FKBP3: variants seen among roughly 807,000 people sequenced by gnomAD.
FKBP3 encodes the protein FKBP prolyl isomerase 3.
A neutral mutation model predicts 30.6 loss-of-function variants in FKBP3; 21 were observed. The observed-to-expected ratio is 0.69, with a 90% CI of 0.49 to 0.99. The LOEUF (loss-of-function observed/expected upper bound fraction) is 0.99. FKBP3 is among the 50% of genes least tolerant of loss of function. The pLI is 0.00. For synonymous variants in FKBP3, 82 were observed against 91.3 expected (o/e 0.90, Z 0.58); for missense variants, 283 against 261.6 (o/e 1.08, Z -0.56).
intron 2 of FKBP3, among the ~76,000 whole-genome samples, 175 bp from the exon 3 acceptor site, chr14:45,130,076 A>ATTTATT (rs1180655676): frequency 6.6e-6 from 1 of 152,216 alleles, no homozygotes; most frequent in Non-Finnish European, 1.5e-5. Flanking sequence ...TTTGCTCATA[A>ATTTATT]TTTATTTTTA....
intron 1 of FKBP3, among the ~76,000 whole-genome samples, chr14:45,132,486 C>T (rs994745314): frequency 1.3e-5 from 2 of 152,100 alleles, no homozygotes; most frequent in Non-Finnish European, 2.9e-5. Context: ...CAACCTCCCC[C>T]TCTTGGGTTG....
chr14:45,121,369 T>C, intron 4 of FKBP3, 116 bp downstream of exon 4: 1 of 782,956 alleles, frequency 1.3e-6, no homozygotes, highest in East Asian at 2.6e-5. Flanking sequence ...GGAAAGTATG[T>C]CTGGATGAAA....
rs1884825406 is a variant in FKBP3, at chr14:45,116,038, T to G, written c.*160A>C. ...CAGGGATTCATAAGGGATTTATCTC[T>G]CAAAAGCTGGGACCAAGTAAACAAA... On this transcript the variant is annotated 3_prime_UTR_variant, in exon 7 of 7. Coordinates refer to ENST00000396062, the MANE Select transcript of FKBP3 (RefSeq NM_002013.4). The G allele has an allele frequency of 1.7e-6, 1 of 578,702 alleles. No individual in the cohort carries two copies. Among genetic ancestry groups the G allele is most frequent in the African/African-American group, 1.9e-5 (1 of 53,710 alleles). 35.8% of individuals were successfully genotyped at this position (578,702 alleles called of 1,614,324 possible).
chr14:45,121,032 T>G, intron 4 of FKBP3, 78 bp from the exon 5 acceptor site: 1 of 1,187,992 alleles, frequency 8.4e-7, no homozygotes, highest in Non-Finnish European at 1.2e-6. Flanking sequence ...AATTATTAAA[T>G]TCCAGTGGAA....
intron 3 of FKBP3, among the ~76,000 whole-genome samples, chr14:45,122,320 C>T (rs1392049597): frequency 6.6e-6 from 1 of 152,060 alleles, no homozygotes; most frequent in Non-Finnish European, 1.5e-5. Flanking sequence ...AGTATCCTTA[C>T]CTAAATCTAT....
chr14:45,123,627 T>C (rs1186035182), intron 3 of FKBP3, among the ~76,000 whole-genome samples: 1 of 139,730 alleles, frequency 7.2e-6, no homozygotes, highest in African/African-American at 2.7e-5. Context: ...TTTTTTTTTT[T>C]TTTTTCAGAT....
chr14:45,130,794 C>T lies in FKBP3; in HGVS notation c.115G>A (p.Ala39Thr). 1 of 1,595,052 alleles carries T rather than the reference C, an allele frequency of 6.3e-7. No homozygotes were observed. Among genetic ancestry groups the T allele is most frequent in the Non-Finnish European group, 8.6e-7 (1 of 1,169,492 alleles). ...ATGTTTCCTAATAATTTATGTTCTG[C>T]AAGAAACTATAAGGAAAAAAGCTGG... ...LQEHGSDSFL[A>T]EHKLLGNIKN... The change falls in exon 2 of 7, where the codon GCA (alanine) becomes ACA (threonine). Residue 39 changes from alanine (A) to threonine (T), a missense_variant. Physicochemically the swap from Ala to Thr is moderately conservative, Grantham distance 58 (BLOSUM62 0). Coordinates refer to ENST00000396062, the MANE Select transcript of FKBP3 (RefSeq NM_002013.4).
In FKBP3 at chr14:45,120,887, TC is replaced by T. The variant is rs1174442380; in HGVS notation, c.521del (p.Gly174AspfsTer7). The T allele has an allele frequency of 6.2e-7, 1 of 1,611,370 alleles. No individual in the cohort carries two copies. The highest frequency in any genetic ancestry group is 1.1e-5 in the South Asian group (1 of 91,020). The stretch of plus-strand genomic sequence containing the variant: ...TGATTCATTGGCATTCTTTACTTAC[TC>T]CTCTGATAACTTTGCCTACTCCGAC... ...FKVGVGKVIR[G>X]WDEALLTMSK... On this transcript the variant is annotated frameshift_variant and splice_region_variant, in exon 5 of 7. Transcript: ENST00000396062. LOFTEE classifies it high-confidence loss of function.
At chr14:45,124,656 G>A (rs192243370) in intron 3 of FKBP3, among the ~76,000 whole-genome samples, 6 of 151,766 alleles carry the variant, frequency 4.0e-5, no homozygotes, top group African/African-American at 1.5e-4. Context: ...GTGTGATCAC[G>A]GCTCACTTAT....
chr14:45,127,794 G>A (rs1306115623), intron 3 of FKBP3, among the ~76,000 whole-genome samples: 1 of 152,106 alleles, frequency 6.6e-6, no homozygotes, highest in African/African-American at 2.4e-5. Flanking sequence ...ACTGGATAAA[G>A]AAAGAGAAGG....
chr14:45,120,898 C>G lies in FKBP3; in HGVS notation c.511G>C (p.Val171Leu), dbSNP rs561308436. The G allele has an allele frequency of 1.9e-6, 3 of 1,612,932 alleles. No homozygotes were observed. Among genetic ancestry groups the G allele is most frequent in the Non-Finnish European group, 1.7e-6 (2 of 1,179,470 alleles). Residue 171 changes from valine (V) to leucine (L), a missense_variant, in exon 5 of 7, where the codon GTT becomes CTT. Physicochemically the swap from Val to Leu is conservative, Grantham distance 32 (BLOSUM62 1). Transcript: ENST00000396062. The stretch of plus-strand genomic sequence containing the variant: ...CATTCTTTACTTACTCCTCTGATAA[C>G]TTTGCCTACTCCGACCTTAAAACTT... ...PLSFKVGVGK[V>L]IRGWDEALLT...
intron 6 of FKBP3, 131 bp from the exon 7 acceptor site, chr14:45,116,383 A>G (rs1041235774): frequency 1.1e-5 from 7 of 611,912 alleles, no homozygotes; most frequent in Non-Finnish European, 2.1e-5. Flanking sequence ...CCTTACCTGG[A>G]TGCTTTACAA....
At chr14:45,125,885 T>C (rs987959347) in intron 3 of FKBP3, among the ~76,000 whole-genome samples, 2 of 151,954 alleles carry the variant, frequency 1.3e-5, no homozygotes, top group Non-Finnish European at 2.9e-5. Flanking sequence ...AGCAGACATT[T>C]GTGGTCAAAG....
chr14:45,124,940 C>T (rs1287524680), intron 3 of FKBP3, among the ~76,000 whole-genome samples: 1 of 151,936 alleles, frequency 6.6e-6, no homozygotes, highest in Non-Finnish European at 1.5e-5. Context: ...TTTCTGAGAC[C>T]GAGTCTCACT....
In FKBP3 at chr14:45,115,697, A is replaced by G. The variant is rs1341059865; in HGVS notation, c.*501T>C. 8.5e-5 allele frequency: 13 copies of G among 152,560 alleles called. No homozygotes were observed. Among genetic ancestry groups the G allele is most frequent in the Non-Finnish European group, 4.4e-5 (3 of 68,186 alleles). The allele number at this position is 152,560 out of a possible 1,614,324, so 9.5% of individuals were successfully genotyped here. ...ATTGGTTTTGAAGTACACCTTTTCTAAATTCAGGTCTTGATCTTCCTGCCA... is the reference window on the plus strand; with the variant it reads ...ATTGGTTTTGAAGTACACCTTTTCTGAATTCAGGTCTTGATCTTCCTGCCA... On this transcript the variant is annotated 3_prime_UTR_variant, in exon 7 of 7. Transcript: ENST00000396062.
Position 45,134,449 on chromosome 14 carries a change from G to T in FKBP3, c.8C>A (p.Ala3Glu). MAAAVPQRAWTVE... is the reference protein window; with the variant it reads MAEAVPQRAWTVE... ...GGTCCACGCCCGCTGTGGAACGGCC[G>T]CCGCCATCTTCCCCCGCTGCCTCCG... is the stretch of plus-strand genomic sequence containing the variant. The change falls in exon 1 of 7, where the codon GCG (alanine) becomes GAG (glutamate). Residue 3 changes from alanine (A) to glutamate (E), a missense_variant. Physicochemically the swap from Ala to Glu is moderately radical, Grantham distance 107 (BLOSUM62 -1). Coordinates refer to ENST00000396062, the MANE Select transcript of FKBP3 (RefSeq NM_002013.4). 6.2e-7 allele frequency: 1 copy of T among 1,609,196 alleles called. No individual in the cohort carries two copies. The highest frequency in any genetic ancestry group is 1.3e-5 in the African/African-American group (1 of 74,858).
rs201629221 is a variant in FKBP3 at position 45,118,113 on chromosome 14, G to C, written c.535C>G (p.Leu179Val). 2.1e-4 allele frequency: 338 copies of C among 1,598,126 alleles called. No homozygotes were observed. The highest frequency in any genetic ancestry group is 1.2e-4 in the Non-Finnish European group (143 of 1,175,122). Reference protein sequence around the residue: ...GKVIRGWDEALLTMSKGEKAR... With the variant: ...GKVIRGWDEAVLTMSKGEKAR... ...TTTTCTCCTTTACTCATAGTCAAGA[G>C]AGCTTCATCCCACTAAAGGCAAGAA... The change falls in exon 6 of 7, where the codon CTC (leucine) becomes GTC (valine). Residue 179 changes from leucine (L) to valine (V), a missense_variant. Coordinates refer to ENST00000396062, the MANE Select transcript of FKBP3 (RefSeq NM_002013.4).
intron 4 of FKBP3, among the ~76,000 whole-genome samples, chr14:45,121,186 A>C (rs1366917056): frequency 6.6e-6 from 1 of 152,242 alleles, no homozygotes; most frequent in Non-Finnish European, 1.5e-5. Flanking sequence ...ACCTATACTT[A>C]TATCACAAAA....
intron 5 of FKBP3, 83 bp from the exon 6 acceptor site, chr14:45,118,208 GTTAAAACAAACA>G: frequency 1.3e-6 from 1 of 762,050 alleles, no homozygotes; most frequent in East Asian, 2.6e-5. Flanking sequence ...AAGATTGTAT[GTTAAAACAAACA>G]CAGAATCTAT....
Sources: allele counts gnomAD v4.1 joint callset (sites outside exome capture counted in the v4.1 genomes callset), GRCh38; gene constraint gnomAD v4.1.1; transcripts MANE v1.5; gene names NCBI Gene and HGNC (gene_info 2026-07-23, HGNC 2026-07-21).